BMP6: variants seen among roughly 807,000 people sequenced by gnomAD.
BMP6 encodes the protein bone morphogenetic protein 6, also known as VG-1-R.
A neutral mutation model predicts 54.1 loss-of-function variants in BMP6; 17 were observed. That is an observed-to-expected ratio of 0.31 (90% CI 0.22 to 0.47). BMP6 has a LOEUF of 0.47. Ranked by LOEUF, BMP6 falls within the 20% of genes least tolerant of loss-of-function variation. The pLI, the probability that BMP6 is intolerant of heterozygous loss-of-function variation, is 1.00. For synonymous variants in BMP6, 328 were observed against 291.2 expected (o/e 1.13, Z -1.28); for missense variants, 720 against 690.4 (o/e 1.04, Z -0.48).
intron 3 of BMP6, 39 bp downstream of exon 3, chr6:7,861,638 C>A: frequency 1.2e-6 from 2 of 1,610,212 alleles, no homozygotes; most frequent in South Asian, 2.2e-5. Flanking sequence ...TCCAGCAAGT[C>A]ATCAGTTTCA....
At position 7,727,274 on chromosome 6, in the gene BMP6, C is replaced by T; in HGVS notation, c.319C>T (p.Leu107Phe). The change falls in exon 1 of 7, where the codon CTC becomes TTC. Residue 107 changes from leucine to phenylalanine, a missense_variant. Leu to Phe is a conservative substitution (Grantham distance 22, BLOSUM62 0). Coordinates refer to ENST00000283147, the MANE Select transcript of BMP6 (RefSeq NM_001718.6). ...CCTCCAACAGCCGCAGCCCCCGGCG[C>T]TCCGGCAGCAGGAGGAGCAGCAGCA... is the stretch of plus-strand genomic sequence containing the variant. ...HGLQQPQPPA[L>F]RQQEEQQQQQ... 1 of 1,605,988 alleles carries T rather than the reference C, an allele frequency of 6.2e-7. No individual in the cohort carries two copies. The highest frequency in any genetic ancestry group is 8.5e-7 in the Non-Finnish European group (1 of 1,176,942).
At chr6:7,843,017 CT>C (rs1759001737) in intron 1 of BMP6, among the ~76,000 whole-genome samples, 1 of 152,222 alleles carries the variant, frequency 6.6e-6, no homozygotes, top group Non-Finnish European at 1.5e-5. Context: ...ATTTGATTCA[CT>C]TTTTAACCAA....
chr6:7,854,534 C>T (rs557997659), intron 2 of BMP6, among the ~76,000 whole-genome samples: 2 of 152,182 alleles, frequency 1.3e-5, no homozygotes, highest in African/African-American at 2.4e-5. Context: ...CAGTGGCTCA[C>T]GCCTGTGATC....
At chr6:7,818,127 G>A (rs1469854575) in intron 1 of BMP6, among the ~76,000 whole-genome samples, 1 of 152,196 alleles carries the variant, frequency 6.6e-6, no homozygotes, top group Non-Finnish European at 1.5e-5. Flanking sequence ...AAAATACAGA[G>A]GATTGCAGCA....
intron 4 of BMP6, among the ~76,000 whole-genome samples, chr6:7,869,517 C>A (rs554965206): frequency 6.6e-6 from 1 of 152,296 alleles, no homozygotes; most frequent in East Asian, 1.9e-4. Context: ...AAGTCCCAGC[C>A]CAGCTAGCCG....
At chr6:7,778,164 A>C (rs1416389102) in intron 1 of BMP6, among the ~76,000 whole-genome samples, 1 of 152,174 alleles carries the variant, frequency 6.6e-6, no homozygotes, top group Non-Finnish European at 1.5e-5. Context: ...GGTGTGTCAT[A>C]AAAGGCGTGA....
intron 1 of BMP6, among the ~76,000 whole-genome samples, chr6:7,812,370 T>G (rs532266850): frequency 6.6e-6 from 1 of 152,312 alleles, no homozygotes; most frequent in African/African-American, 2.4e-5. Flanking sequence ...CAACTGAAAT[T>G]TACAAGATTA....
At chr6:7,811,321 C>T (rs1758432582) in intron 1 of BMP6, among the ~76,000 whole-genome samples, 1 of 152,172 alleles carries the variant, frequency 6.6e-6, no homozygotes, top group South Asian at 2.1e-4. Flanking sequence ...GGACACCTCT[C>T]CTAGGTGCAC....
chr6:7,810,143 A>G (rs940236968), intron 1 of BMP6, among the ~76,000 whole-genome samples: 1 of 152,192 alleles, frequency 6.6e-6, no homozygotes, highest in African/African-American at 2.4e-5. Flanking sequence ...GTCATATTCA[A>G]ATAGATTTCT....
chr6:7,859,314 C>T (rs942231342), intron 2 of BMP6, among the ~76,000 whole-genome samples: 4 of 64,812 alleles, frequency 6.2e-5, no homozygotes, highest in African/African-American at 1.6e-4. Context: ...GCTACCCTCA[C>T]GCTTTGAACT....
intron 4 of BMP6, among the ~76,000 whole-genome samples, chr6:7,878,655 T>A (rs1194085026): frequency 2.3e-5 from 3 of 128,320 alleles, no homozygotes; most frequent in African/African-American, 1.0e-4. Context: ...TGAAAGCCCC[T>A]GTGCAGTTTC....
intron 1 of BMP6, among the ~76,000 whole-genome samples, chr6:7,773,735 C>T (rs1260135872): frequency 1.3e-5 from 2 of 152,174 alleles, no homozygotes; most frequent in Non-Finnish European, 2.9e-5. Flanking sequence ...TTAATTGAAT[C>T]ATGTACATGG....
At chr6:7,772,431 A>C (rs1757803839) in intron 1 of BMP6, among the ~76,000 whole-genome samples, 1 of 152,172 alleles carries the variant, frequency 6.6e-6, no homozygotes, top group Non-Finnish European at 1.5e-5. Flanking sequence ...AATTATAAGG[A>C]CTGAGGGGGA....
intron 1 of BMP6, among the ~76,000 whole-genome samples, chr6:7,820,690 C>G (rs770273400): frequency 2.6e-5 from 4 of 152,164 alleles, no homozygotes; most frequent in Non-Finnish European, 5.9e-5. Context: ...TTTCTAGGAG[C>G]TGAGTTGCTC....
In BMP6 at chr6:7,766,118, T is replaced by TA. The variant is rs1237918361; in HGVS notation, c.664+38501dup. On this transcript the variant is annotated intron_variant, in intron 1 of 6. Coordinates refer to ENST00000283147, the MANE Select transcript of BMP6 (RefSeq NM_001718.6). ...CTTTCTCCATCGGCCACAATAAACT[T>TA]AATGTCTTCACAATGACTCACAGTT... Among the ~76,000 whole-genome samples the TA allele has an allele frequency of 8.5e-5, 13 of 152,352 alleles. No homozygotes were observed. The South Asian group carries it at 2.1e-3, about 24-fold the overall frequency.
chr6:7,786,944 T>C (rs1019798986), intron 1 of BMP6, among the ~76,000 whole-genome samples: 1 of 152,168 alleles, frequency 6.6e-6, no homozygotes, highest in African/African-American at 2.4e-5. Flanking sequence ...ATAATTAAGA[T>C]CCACAGATGA....
chr6:7,794,405 A>G (rs1758161980), intron 1 of BMP6, among the ~76,000 whole-genome samples: 1 of 152,160 alleles, frequency 6.6e-6, no homozygotes, highest in Admixed American at 6.5e-5. Flanking sequence ...TAACAGTTCT[A>G]GACCAGCCTG....
intron 1 of BMP6, among the ~76,000 whole-genome samples, chr6:7,788,298 G>C (rs1007856560): frequency 1.3e-5 from 2 of 152,178 alleles, no homozygotes; most frequent in African/African-American, 2.4e-5. Flanking sequence ...CTGAAACCAA[G>C]AGTCATCATA....
intron 1 of BMP6, among the ~76,000 whole-genome samples, chr6:7,835,577 A>C (rs1377377934): frequency 6.6e-6 from 1 of 152,188 alleles, no homozygotes; most frequent in African/African-American, 2.4e-5. Context: ...TCAAGTGTGA[A>C]AAAAGGCATG....
Sources: gnomAD v4.1 joint callset for allele counts (sites outside exome capture counted in the v4.1 genomes callset) on GRCh38, gnomAD v4.1.1 for gene constraint, MANE v1.5 for transcripts, NCBI Gene and HGNC (gene_info 2026-07-23, HGNC 2026-07-21) for gene names.